Variants in SPAG17 observed in about 807,000 individuals in gnomAD.
SPAG17 encodes sperm associated antigen 17, also known as sperm-associated antigen 17.
A neutral mutation model predicts 273.6 loss-of-function variants in SPAG17; 169 were observed. The observed-to-expected ratio is 0.62, with a 90% CI of 0.55 to 0.70. SPAG17 has a LOEUF of 0.70. Among genes scored for constraint, SPAG17 ranks in the 30% least tolerant of loss-of-function variants. The probability of loss-of-function intolerance (pLI) is 0.00; values close to 1 mark genes in which losing one functional copy is unlikely to be tolerated. For missense variants in SPAG17, 2,557 were observed against 2,627.8 expected (o/e 0.97, Z 0.59); for synonymous variants, 825 against 873.2 (o/e 0.94, Z 0.97).
intron 34 of SPAG17, among the ~76,000 whole-genome samples, chr1:117,995,233 T>C (rs564845740): frequency 9.9e-5 from 15 of 152,140 alleles, no homozygotes; most frequent in Non-Finnish European, 2.1e-4. Flanking sequence ...TTCTTGACTA[T>C]GTCAGTTTCT....
chr1:117,958,269 AT>A (rs1652511484), intron 48 of SPAG17, among the ~76,000 whole-genome samples: 1 of 152,214 alleles, frequency 6.6e-6, no homozygotes, highest in Non-Finnish European at 1.5e-5. Context: ...AAGAAGAATA[AT>A]ATGTTCTGTT....
chr1:118,127,106 G>C (rs1045936576), intron 3 of SPAG17, among the ~76,000 whole-genome samples: 2 of 152,146 alleles, frequency 1.3e-5, no homozygotes, highest in Admixed American at 6.5e-5. Context: ...ACATTTTGAA[G>C]TCAGGTAGTA....
chr1:118,074,633 T>C (rs1188891166), intron 15 of SPAG17, 33 bp from the exon 16 acceptor site: 1 of 1,602,756 alleles, frequency 6.2e-7, no homozygotes, highest in East Asian at 2.2e-5. Flanking sequence ...TCCAGTTGTG[T>C]TCTGGCTTTG....
At chr1:118,103,170 C>T (rs1273495933) in intron 4 of SPAG17, among the ~76,000 whole-genome samples, 1 of 152,150 alleles carries the variant, frequency 6.6e-6, no homozygotes, top group East Asian at 1.9e-4. Context: ...GAAGAAAATA[C>T]ATCCCTGGAG....
chr1:118,055,420 T>G (rs1272324450), intron 19 of SPAG17, among the ~76,000 whole-genome samples: 2 of 152,220 alleles, frequency 1.3e-5, no homozygotes, highest in African/African-American at 4.8e-5. Context: ...TTAGATAGCT[T>G]AATTTACCAA....
At position 118,112,469 on chromosome 1, in the gene SPAG17, TG is replaced by T. The variant is rs898749583; in HGVS notation, c.447+2840del. Among the ~76,000 whole-genome samples the T allele has an allele frequency of 4.6e-5, 7 of 152,206 alleles. No homozygotes were observed. The East Asian group carries it at 1.2e-3, about 25-fold the overall frequency. On this transcript the variant is annotated intron_variant, in intron 4 of 48. Transcript: ENST00000336338. ...GCAAAAGCAAATGTTGCGATAAGGATGTAAGAAAATATATTTCTAAACAAAA... is the reference window on the plus strand; with the variant it reads ...GCAAAAGCAAATGTTGCGATAAGGATTAAGAAAATATATTTCTAAACAAAA...
intron 7 of SPAG17, among the ~76,000 whole-genome samples, chr1:118,094,879 A>G (rs1395700535): frequency 5.3e-5 from 8 of 152,186 alleles, no homozygotes; most frequent in Admixed American, 5.2e-4. Context: ...GCCCTGGTAT[A>G]AGATGACATT....
chr1:118,181,105 T>C (rs1570841179), intron 1 of SPAG17, among the ~76,000 whole-genome samples: 1 of 151,840 alleles, frequency 6.6e-6, no homozygotes, highest in African/African-American at 2.4e-5. Flanking sequence ...GTAATCCCCA[T>C]GGTAACCACA....
At chr1:117,979,757 T>G (rs951605207) in intron 43 of SPAG17, among the ~76,000 whole-genome samples, 1 of 152,198 alleles carries the variant, frequency 6.6e-6, no homozygotes, top group African/African-American at 2.4e-5. Context: ...CCTTAATGTT[T>G]CTGCCCCTCA....
At chr1:118,170,654 C>A (rs555991927) in intron 1 of SPAG17, among the ~76,000 whole-genome samples, 2 of 152,282 alleles carry the variant, frequency 1.3e-5, no homozygotes, top group African/African-American at 4.8e-5. Context: ...TTGTCTCTAT[C>A]TGACAAAAGG....
intron 20 of SPAG17, among the ~76,000 whole-genome samples, chr1:118,050,244 A>G (rs1369117808): frequency 2.0e-5 from 3 of 152,138 alleles, no homozygotes; most frequent in Non-Finnish European, 4.4e-5. Flanking sequence ...CACCAAGTCA[A>G]AAGGTCAAAC....
chr1:118,096,353 C>CCT (rs1553249967), intron 7 of SPAG17, among the ~76,000 whole-genome samples: 1 of 146,244 alleles, frequency 6.8e-6, no homozygotes, highest in Non-Finnish European at 1.5e-5. Flanking sequence ...AGACAGTCGG[C>CCT]TTTTTTTTTT....
At chr1:118,091,459 T>C (rs2102189544) in intron 10 of SPAG17, 147 bp downstream of exon 10, 1 of 565,906 alleles carries the variant, frequency 1.8e-6, no homozygotes, top group East Asian at 3.0e-5. Context: ...AAGCAGACTT[T>C]AGTTTCATCT....
rs185200782 is a variant in SPAG17 at position 117,995,675 on chromosome 1, A to G, written c.5053+695T>C. On this transcript the variant is annotated intron_variant, in intron 34 of 48. Coordinates refer to ENST00000336338, the MANE Select transcript of SPAG17 (RefSeq NM_206996.4). ...AAATGCACACAAAATGTATCCCAAA[A>G]CACAGAAAAAAGATGAAATAACACA... is the stretch of plus-strand genomic sequence containing the variant. Among the ~76,000 whole-genome samples, 6 of 148,730 alleles carry G rather than the reference A, an allele frequency of 4.0e-5. No homozygotes were observed. In the East Asian group the frequency reaches 1.2e-3, roughly 29 times the overall value.
At chr1:118,151,955 T>G (rs1301157714) in intron 1 of SPAG17, among the ~76,000 whole-genome samples, 1 of 152,210 alleles carries the variant, frequency 6.6e-6, no homozygotes, top group Non-Finnish European at 1.5e-5. Flanking sequence ...TCAAATAATT[T>G]TAAAAAATTA....
chr1:118,036,952 G>A, intron 23 of SPAG17, 69 bp from the exon 24 acceptor site: 2 of 1,135,596 alleles, frequency 1.8e-6, no homozygotes, highest in Non-Finnish European at 2.6e-6. Flanking sequence ...GACTCAGTGG[G>A]AAGGCTGGGA....
chr1:118,040,231 A>G (rs1466748682), intron 22 of SPAG17, among the ~76,000 whole-genome samples: 1 of 152,170 alleles, frequency 6.6e-6, no homozygotes, highest in African/African-American at 2.4e-5. Flanking sequence ...ACTAGGAGAA[A>G]ATATTGAATT....
rs1652365027 is a variant in SPAG17 at position 117,957,346 on chromosome 1, G to C, written c.*1-3297C>G. 3.9e-6 allele frequency: 4 copies of C among 1,019,738 alleles called. No individual in the cohort carries two copies. In the Admixed American group the frequency reaches 8.4e-5, roughly 21 times the overall value. The allele number at this position is 1,019,738 out of a possible 1,614,324, so 63.2% of individuals were successfully genotyped here. A position where few individuals can be genotyped will look rare whatever the true frequency, so the allele number is the denominator to read the frequency against. ...AATCCCAGCACTTTGGGAGGCTGAGGTGGGTGGATTGCTTGAGCCCAGAAG... is the reference window on the plus strand; with the variant it reads ...AATCCCAGCACTTTGGGAGGCTGAGCTGGGTGGATTGCTTGAGCCCAGAAG... On this transcript the variant is annotated intron_variant, in intron 48 of 48. Transcript: ENST00000336338.
intron 8 of SPAG17, among the ~76,000 whole-genome samples, chr1:118,092,481 C>T (rs1253502905): frequency 2.6e-5 from 4 of 152,216 alleles, no homozygotes; most frequent in Admixed American, 1.3e-4. Flanking sequence ...CACTGAACTA[C>T]CCTGTGCTCC....
Sources: allele counts gnomAD v4.1 joint callset (sites outside exome capture counted in the v4.1 genomes callset), GRCh38; gene constraint gnomAD v4.1.1; transcripts MANE v1.5; gene names NCBI Gene and HGNC (gene_info 2026-07-23, HGNC 2026-07-21).